NRXN3: variants seen among roughly 807,000 people sequenced by gnomAD.
The protein encoded by NRXN3 is neurexin 3.
NRXN3 carries 32 observed loss-of-function variants against 137.6 expected under a neutral mutation model. The ratio of observed to expected loss-of-function variants is 0.23; its 90% CI spans 0.18 to 0.31. The LOEUF (loss-of-function observed/expected upper bound fraction) is 0.31, where lower values mean the gene tolerates loss of function less well. Among genes scored for constraint, NRXN3 ranks in the 10% least tolerant of loss-of-function variants. The probability of loss-of-function intolerance (pLI) is 1.00; values close to 1 mark genes in which losing one functional copy is unlikely to be tolerated. For missense variants in NRXN3, 1,574 were observed against 2,062.5 expected (o/e 0.76, Z 4.59); for synonymous variants, 798 against 784.5 (o/e 1.02, Z -0.29).
intron 15 of NRXN3, among the ~76,000 whole-genome samples, chr14:79,178,037 G>C (rs1333212602): frequency 6.6e-6 from 1 of 152,200 alleles, no homozygotes; most frequent in East Asian, 1.9e-4. Context: ...ATAGAGAAGA[G>C]GGACAAAGAG....
intron 20 of NRXN3, chr14:79,854,014 T>G: frequency 1.0e-6 from 1 of 984,476 alleles, no homozygotes; most frequent in Non-Finnish European, 1.2e-6. Context: ...TGGATGTATG[T>G]GTTGTTGCCT....
intron 15 of NRXN3, among the ~76,000 whole-genome samples, chr14:79,012,649 T>C (rs1214903136): frequency 1.3e-5 from 2 of 152,162 alleles, no homozygotes; most frequent in Non-Finnish European, 2.9e-5. Context: ...ACTTCCACTT[T>C]CCAGAAGACA....
At chr14:78,962,825 T>C (rs1327387765) in intron 11 of NRXN3, among the ~76,000 whole-genome samples, 1 of 152,138 alleles carries the variant, frequency 6.6e-6, no homozygotes, top group East Asian at 1.9e-4. Flanking sequence ...GCAGTTCTTC[T>C]GCCTCAGCCT....
chr14:79,720,610 G>T (rs1417213085), intron 19 of NRXN3, among the ~76,000 whole-genome samples: 1 of 152,124 alleles, frequency 6.6e-6, no homozygotes, highest in African/African-American at 2.4e-5. Flanking sequence ...AATCTATAAT[G>T]ACTCTTCAAC....
intron 15 of NRXN3, among the ~76,000 whole-genome samples, chr14:79,462,630 C>A (rs961286422): frequency 2.0e-5 from 3 of 150,940 alleles, no homozygotes; most frequent in African/African-American, 7.3e-5. Context: ...CACACACATA[C>A]ATATATTCAC....
intron 2 of NRXN3, among the ~76,000 whole-genome samples, chr14:78,262,774 G>T (rs972153161): frequency 2.6e-5 from 4 of 152,204 alleles, no homozygotes; most frequent in African/African-American, 9.6e-5. Flanking sequence ...TAGAGGAGTA[G>T]TGGAAAATCT....
rs572903920 is a variant in NRXN3 at position 79,317,855 on chromosome 14, G to A, written c.3263-149366G>A. Among the ~76,000 whole-genome samples the A allele has an allele frequency of 3.9e-5, 6 of 152,258 alleles. No individual in the cohort carries two copies. The South Asian group carries it at 1.2e-3, about 32-fold the overall frequency. On this transcript the variant is annotated intron_variant, in intron 15 of 20. Transcript: ENST00000335750. ...TAATACATGTCTACGTGTTAAAAAT[G>A]AATGAAAATACCTACATTGGGAGTG...
At chr14:79,062,267 C>A (rs934375088) in intron 15 of NRXN3, among the ~76,000 whole-genome samples, 34 of 152,056 alleles carry the variant, frequency 2.2e-4, no homozygotes. Flanking sequence ...CAATTTCCCT[C>A]TCATGCTTGT....
At position 79,730,790 on chromosome 14, in the gene NRXN3, T is replaced by TGTAA. The variant is rs541280265; in HGVS notation, c.4014+32856_4014+32859dup. Among the ~76,000 whole-genome samples the TGTAA allele has an allele frequency of 8.1e-4, 124 of 152,264 alleles. 1 individual carries two copies. Among genetic ancestry groups the TGTAA allele is most frequent in the Admixed American group, 1.4e-3 (21 of 15,298 alleles). On this transcript the variant is annotated intron_variant, in intron 19 of 20. Coordinates refer to ENST00000335750, the MANE Select transcript of NRXN3 (RefSeq NM_001330195.2). ...AGGAAAATATTGAAAGAAAACTTAC[T>TGTAA]GTAAGTTTTTCAGCACAGTGAACAA...
At chr14:78,315,685 T>G (rs965961376) in intron 4 of NRXN3, among the ~76,000 whole-genome samples, 1 of 152,228 alleles carries the variant, frequency 6.6e-6, no homozygotes. Context: ...TAGCTTGAGT[T>G]GATGGAGTGG....
intron 4 of NRXN3, among the ~76,000 whole-genome samples, chr14:78,346,081 A>G (rs2082699292): frequency 6.6e-6 from 1 of 152,214 alleles, no homozygotes; most frequent in Admixed American, 6.5e-5. Context: ...GCTCAGCAAC[A>G]GGGATCTGAA....
At chr14:78,178,674 G>A (rs2059496538) in intron 1 of NRXN3, among the ~76,000 whole-genome samples, 2 of 152,282 alleles carry the variant, frequency 1.3e-5, no homozygotes, top group South Asian at 2.1e-4. Flanking sequence ...GCTTTGAGCA[G>A]GGCATCATGC....
intron 20 of NRXN3, among the ~76,000 whole-genome samples, chr14:79,835,654 T>A (rs1322936498): frequency 6.6e-6 from 1 of 152,160 alleles, no homozygotes; most frequent in African/African-American, 2.4e-5. Flanking sequence ...AATAGCTACA[T>A]CTTAGGTGAC....
At chr14:78,881,780 T>C (rs570606684) in intron 10 of NRXN3, among the ~76,000 whole-genome samples, 15 of 151,806 alleles carry the variant, frequency 9.9e-5, no homozygotes, top group Non-Finnish European at 1.8e-4. Context: ...GAAAAACCCA[T>C]TTTCTGAAGA....
chr14:79,421,443 G>A (rs2095574532), intron 15 of NRXN3, among the ~76,000 whole-genome samples: 1 of 151,932 alleles, frequency 6.6e-6, no homozygotes, highest in Non-Finnish European at 1.5e-5. Flanking sequence ...TTCTATAACT[G>A]TACTTATTTT....
chr14:79,423,230 G>A (rs2095606999), intron 15 of NRXN3, among the ~76,000 whole-genome samples: 1 of 152,034 alleles, frequency 6.6e-6, no homozygotes, highest in African/African-American at 2.4e-5. Context: ...AACTACTCTG[G>A]GTTGGCATAT....
intron 4 of NRXN3, among the ~76,000 whole-genome samples, chr14:78,514,939 C>T (rs189924387): frequency 5.3e-5 from 8 of 152,202 alleles, no homozygotes; most frequent in Admixed American, 3.3e-4. Flanking sequence ...AAGGTGGTAA[C>T]GAGCTTGGTA....
Position 78,968,360 on chromosome 14 carries a change from T to G in NRXN3, c.3142+14T>G. The G allele has an allele frequency of 5.6e-6, 9 of 1,609,872 alleles. No homozygotes were observed. Among genetic ancestry groups the G allele is most frequent in the Non-Finnish European group, 7.6e-6 (9 of 1,177,080 alleles). On this transcript the variant is annotated intron_variant, in intron 14 of 20. Transcript: ENST00000335750. ...GTGGCTGTGAAGGTACAACCTATTT[T>G]TTTCTTGTTAAGCTACAGCCTTGTT...
At position 79,798,818 on chromosome 14, in the gene NRXN3, T is replaced by G. The variant is rs1470257081; in HGVS notation, c.4015-6294T>G. On this transcript the variant is annotated intron_variant, in intron 19 of 20. Coordinates refer to ENST00000335750, the MANE Select transcript of NRXN3 (RefSeq NM_001330195.2). ...CACAGCTCACAGCAGTAGACACTTT[T>G]CTCATGCCCAATAATGGATTAATAA... 3.3e-5 allele frequency among the ~76,000 whole-genome samples: 5 copies of G among 152,178 alleles called. No homozygotes were observed. In the East Asian group the frequency reaches 9.6e-4, roughly 29 times the overall value.
Sources: gnomAD v4.1 joint callset for allele counts (sites outside exome capture counted in the v4.1 genomes callset) on GRCh38, gnomAD v4.1.1 for gene constraint, MANE v1.5 for transcripts, NCBI Gene and HGNC (gene_info 2026-07-23, HGNC 2026-07-21) for gene names.